Variants in FKBP5 observed in about 807,000 individuals in gnomAD.
FKBP5 encodes peptidyl-prolyl cis-trans isomerase FKBP5.
FKBP5 carries 23 observed loss-of-function variants against 50.5 expected under a neutral mutation model. That is an observed-to-expected ratio of 0.46 (90% CI 0.33 to 0.65). FKBP5 has a LOEUF of 0.65. Ranked by LOEUF, FKBP5 falls within the 30% of genes least tolerant of loss-of-function variation. The pLI is 0.02. For synonymous variants in FKBP5, 176 were observed against 190.6 expected (o/e 0.92, Z 0.63); for missense variants, 411 against 553.1 (o/e 0.74, Z 2.58).
At chr6:35,651,777 G>A (rs1475774) in intron 1 of FKBP5, 8,000 of 218,480 alleles carry the variant, frequency 0.037, 200 homozygotes, top group African/African-American at 0.079. Flanking sequence ...ATGATTCAAG[G>A]TACACAAATT....
At chr6:35,700,067 C>G (rs2151018383) in intron 2 of FKBP5, among the ~76,000 whole-genome samples, 1 of 152,090 alleles carries the variant, frequency 6.6e-6, no homozygotes. Flanking sequence ...ATGCAACTAC[C>G]CTGAAGAACA....
chr6:35,608,855 T>C (rs1581810741), intron 5 of FKBP5, among the ~76,000 whole-genome samples: 1 of 152,178 alleles, frequency 6.6e-6, no homozygotes, highest in Non-Finnish European at 1.5e-5. Context: ...ACCTAGGCAG[T>C]GGTACAATCT....
At chr6:35,709,018 C>A (rs1393475281) in intron 2 of FKBP5, among the ~76,000 whole-genome samples, 1 of 152,176 alleles carries the variant, frequency 6.6e-6, no homozygotes, top group Non-Finnish European at 1.5e-5. Flanking sequence ...CAAACCTAAT[C>A]TTAACTGATA....
chr6:35,646,122 A>G (rs1764622809), intron 1 of FKBP5, among the ~76,000 whole-genome samples: 1 of 152,218 alleles, frequency 6.6e-6, no homozygotes. Context: ...TCTCAAAAAA[A>G]AGAGAGAGGA....
At chr6:35,718,477 A>T (rs1286066543) in intron 2 of FKBP5, among the ~76,000 whole-genome samples, 2 of 152,140 alleles carry the variant, frequency 1.3e-5, no homozygotes, top group Non-Finnish European at 2.9e-5. Context: ...ATCCCCATCT[A>T]GGGCTGAATC....
At chr6:35,612,023 A>T (rs1763508301) in intron 5 of FKBP5, among the ~76,000 whole-genome samples, 1 of 152,182 alleles carries the variant, frequency 6.6e-6, no homozygotes, top group South Asian at 2.1e-4. Context: ...TATTAGAGAC[A>T]ATTTTAGGTC....
chr6:35,685,442 T>C (rs1417854194), intron 1 of FKBP5, among the ~76,000 whole-genome samples: 1 of 152,192 alleles, frequency 6.6e-6, no homozygotes, highest in Non-Finnish European at 1.5e-5. Flanking sequence ...TGCACTAAAA[T>C]GTACTGCAGA....
chr6:35,588,754 C>G (rs1762696674), intron 7 of FKBP5, among the ~76,000 whole-genome samples: 1 of 151,338 alleles, frequency 6.6e-6, no homozygotes, highest in Non-Finnish European at 1.5e-5. Flanking sequence ...GCATGTGCCA[C>G]CATGTCCAGC....
intron 2 of FKBP5, among the ~76,000 whole-genome samples, chr6:35,705,323 A>G (rs71569308): frequency 1.6e-5 from 2 of 125,930 alleles, no homozygotes; most frequent in Non-Finnish European, 3.3e-5. Context: ...CTGGAGTGCA[A>G]TGGCGTGATC....
intron 1 of FKBP5, among the ~76,000 whole-genome samples, chr6:35,724,307 C>T (rs2151025612): frequency 6.6e-6 from 1 of 152,274 alleles, no homozygotes; most frequent in Non-Finnish European, 1.5e-5. Flanking sequence ...TGCCAGCCAG[C>T]CAAGAGACAC....
intron 8 of FKBP5, chr6:35,586,746 T>A: frequency 7.6e-7 from 1 of 1,312,356 alleles, no homozygotes; most frequent in African/African-American, 1.5e-5. Context: ...AGCAAGATGC[T>A]TTAGGAGTGA....
chr6:35,627,865 G>A (rs1210343307), intron 3 of FKBP5, among the ~76,000 whole-genome samples: 5 of 150,674 alleles, frequency 3.3e-5, no homozygotes, highest in African/African-American at 7.3e-5. Context: ...GGGTTCAAGC[G>A]ATTCTCCTGC....
intron 8 of FKBP5, chr6:35,581,029 T>G: frequency 1.0e-6 from 1 of 978,998 alleles, no homozygotes; most frequent in Middle Eastern, 5.3e-4. Flanking sequence ...TCATTTGTAG[T>G]GCAAAAGCTG....
At chr6:35,632,707 T>C (rs1447676870) in intron 3 of FKBP5, among the ~76,000 whole-genome samples, 1 of 151,730 alleles carries the variant, frequency 6.6e-6, no homozygotes, top group African/African-American at 2.4e-5. Context: ...CTGGCCAACA[T>C]GGTGAAAGTC....
At chr6:35,652,885 T>C (rs1384333095) in intron 1 of FKBP5, among the ~76,000 whole-genome samples, 1 of 152,190 alleles carries the variant, frequency 6.6e-6, no homozygotes, top group Non-Finnish European at 1.5e-5. Context: ...ATGTGTGATG[T>C]CTCCCCCGGA....
intron 2 of FKBP5, among the ~76,000 whole-genome samples, chr6:35,694,019 A>C (rs915845217): frequency 2.6e-5 from 4 of 151,952 alleles, no homozygotes; most frequent in Non-Finnish European, 5.9e-5. Flanking sequence ...TTAAAAAAAA[A>C]ATAGTGACAG....
intron 5 of FKBP5, among the ~76,000 whole-genome samples, chr6:35,602,907 CA>C (rs1161054702): frequency 1.3e-5 from 2 of 152,172 alleles, no homozygotes; most frequent in Non-Finnish European, 2.9e-5. Context: ...ATACACCCAG[CA>C]ACAAATTCTC....
At chr6:35,686,525 AAAT>A (rs1467432500) in intron 1 of FKBP5, among the ~76,000 whole-genome samples, 1 of 152,166 alleles carries the variant, frequency 6.6e-6, no homozygotes. Flanking sequence ...AAATGATAAA[AAAT>A]AATGGAAGCT....
At chr6:35,664,716 A>G (rs1765167659) in intron 1 of FKBP5, 2 of 153,970 alleles carry the variant, frequency 1.3e-5, no homozygotes, top group South Asian at 4.1e-4. Flanking sequence ...GAACTCATCC[A>G]CTCTTAATTT....
Sources: allele counts gnomAD v4.1 joint callset (sites outside exome capture counted in the v4.1 genomes callset), GRCh38; gene constraint gnomAD v4.1.1; transcripts MANE v1.5; gene names NCBI Gene and HGNC (gene_info 2026-07-23, HGNC 2026-07-21).